The following AXIN1 variants were observed in gnomAD, a reference collection of about 807,000 sequenced individuals.
AXIN1 encodes the protein axin 1, also known as axin-1.
AXIN1 carries 30 observed loss-of-function variants against 76.4 expected under a neutral mutation model. The ratio of observed to expected loss-of-function variants is 0.39; its 90% CI spans 0.29 to 0.53. The LOEUF (loss-of-function observed/expected upper bound fraction) is 0.53, where lower values mean the gene tolerates loss of function less well. Among genes scored for constraint, AXIN1 ranks in the 20% least tolerant of loss-of-function variants. The pLI is 0.66. For missense variants in AXIN1, 1,140 were observed against 1,198.8 expected (o/e 0.95, Z 0.72); for synonymous variants, 545 against 501.4 (o/e 1.09, Z -1.16).
At chr16:326,375 ATAT>A (rs1567292843) in intron 2 of AXIN1, among the ~76,000 whole-genome samples, 1,044 of 65,216 alleles carry the variant, frequency 0.016, 28 homozygotes, top group African/African-American at 0.081. Flanking sequence ...AAAAAAAAAT[ATAT>A]ATATATATAT....
intron 4 of AXIN1, among the ~76,000 whole-genome samples, chr16:307,713 C>A (rs1045123178): frequency 1.3e-5 from 2 of 152,224 alleles, no homozygotes; most frequent in Non-Finnish European, 2.9e-5. Context: ...TCCCCTCCTG[C>A]TGTCCCTGCT....
At position 293,701 on chromosome 16, in the gene AXIN1, T is replaced by A. The variant is rs778657477; in HGVS notation, c.1973A>T (p.Lys658Met). 2 of 1,613,594 alleles carry A rather than the reference T, an allele frequency of 1.2e-6. No individual in the cohort carries two copies. The highest frequency in any genetic ancestry group is 1.7e-6 in the Non-Finnish European group (2 of 1,179,992). ...TCTGGAGTTCTCATGGGGCTGTGGC[T>A]TCCTCGTCCCCGAAGACCTTGGGGA... The part of the protein sequence containing the change: ...RTGHGSSGTR[K>M]PQPHENSRPL... The change falls in exon 8 of 11, where the codon AAG (lysine) becomes ATG (methionine). Residue 658 changes from lysine (K) to methionine (M), a missense_variant. Lys to Met is a moderately conservative substitution (Grantham distance 95). Transcript: ENST00000262320. This position sits in a 1 kb window ranked among gnomAD's most constrained non-coding sequence, Gnocchi z 4.6.
intron 4 of AXIN1, among the ~76,000 whole-genome samples, chr16:305,941 G>A (rs568443317): frequency 6.6e-5 from 10 of 152,154 alleles, no homozygotes; most frequent in South Asian, 6.2e-4. Flanking sequence ...TGGGATTACC[G>A]GTGTGAGCCA....
At chr16:319,431 G>A (rs1312261076) in intron 2 of AXIN1, among the ~76,000 whole-genome samples, 4 of 152,216 alleles carry the variant, frequency 2.6e-5, no homozygotes, top group Non-Finnish European at 4.4e-5. Context: ...AGGAGGCGCT[G>A]ATGGCAGAAT....
intron 6 of AXIN1, 77 bp downstream of exon 6, chr16:297,645 T>G: frequency 6.8e-7 from 1 of 1,466,320 alleles, no homozygotes; most frequent in Non-Finnish European, 9.0e-7. Context: ...TTCCTGAGTT[T>G]TATGAGGAGG....
chr16:326,227 G>A (rs559579913), intron 2 of AXIN1, among the ~76,000 whole-genome samples: 50 of 150,036 alleles, frequency 3.3e-4, no homozygotes, highest in African/African-American at 1.1e-3. Flanking sequence ...GGCGACAGGC[G>A]CCCATAATCC....
chr16:306,550 A>T (rs1227292295), intron 4 of AXIN1, among the ~76,000 whole-genome samples: 1 of 152,174 alleles, frequency 6.6e-6, no homozygotes, highest in Non-Finnish European at 1.5e-5. Context: ...TCTCATCTAC[A>T]CAATGAGAGT....
At chr16:339,510 CAAAA>C (rs35043577) in intron 2 of AXIN1, among the ~76,000 whole-genome samples, 3 of 67,556 alleles carry the variant, frequency 4.4e-5, no homozygotes, top group East Asian at 4.6e-4. Context: ...GACTCCATCT[CAAAA>C]AAAAAAAAAA....
At chr16:335,363 A>G (rs1025695115) in intron 2 of AXIN1, among the ~76,000 whole-genome samples, 12 of 152,164 alleles carry the variant, frequency 7.9e-5, no homozygotes, top group Admixed American at 4.6e-4. Context: ...CACAGCACAC[A>G]GTACCACAGC....
At chr16:288,348 C>G in intron 10 of AXIN1, 100 bp from the exon 11 acceptor site, 3 of 1,570,076 alleles carry the variant, frequency 1.9e-6, no homozygotes, top group Non-Finnish European at 2.6e-6. Flanking sequence ...TCCCGAGGAG[C>G]CTCCTGTCCA....
At chr16:329,780 T>C (rs1168058229) in intron 2 of AXIN1, among the ~76,000 whole-genome samples, 4 of 150,352 alleles carry the variant, frequency 2.7e-5, no homozygotes, top group Admixed American at 6.6e-5. Context: ...CCAGCCACCT[T>C]GCCCGGCTAT....
intron 9 of AXIN1, chr16:290,507 C>T (rs2052526046): frequency 6.2e-6 from 1 of 160,094 alleles, no homozygotes; most frequent in South Asian, 1.8e-4. Context: ...TGCCCCAAGA[C>T]CGCCTACACG....
chr16:335,879 A>G (rs943143603), intron 2 of AXIN1, among the ~76,000 whole-genome samples: 1 of 152,214 alleles, frequency 6.6e-6, no homozygotes, highest in African/African-American at 2.4e-5. Flanking sequence ...GGAAAGTAAA[A>G]TATTTAATCA....
intron 2 of AXIN1, among the ~76,000 whole-genome samples, chr16:345,531 A>G (rs954322621): frequency 1.3e-5 from 2 of 152,200 alleles, no homozygotes; most frequent in Admixed American, 6.5e-5. Context: ...CCTGGCCAAC[A>G]TGGAGAAACC....
intron 2 of AXIN1, among the ~76,000 whole-genome samples, chr16:344,181 C>A (rs886601960): frequency 6.6e-6 from 1 of 151,890 alleles, no homozygotes; most frequent in African/African-American, 2.4e-5. Flanking sequence ...GTCTGTAATC[C>A]CCGCACTTTG....
chr16:309,135 C>G (rs192872112), intron 4 of AXIN1, among the ~76,000 whole-genome samples: 371 of 152,146 alleles, frequency 2.4e-3, no homozygotes, highest in Middle Eastern at 3.4e-3. Flanking sequence ...TCGAGACCAT[C>G]CTGGCTAATA....
At position 287,464 on chromosome 16, in the gene AXIN1, C is replaced by T; in HGVS notation, c.*658G>A. ...GGCAGGTTCAAAAACAGTTTTATTT[C>T]ATTATTATCCAAGTACCTTTGAAAA... On this transcript the variant is annotated 3_prime_UTR_variant, in exon 11 of 11. Transcript: ENST00000262320. 1 of 415,894 alleles carries T rather than the reference C, an allele frequency of 2.4e-6. No individual in the cohort carries two copies. Among genetic ancestry groups the T allele is most frequent in the East Asian group, 3.9e-5 (1 of 25,728 alleles). The allele number at this position is 415,894 out of a possible 1,614,324, so 25.8% of individuals were successfully genotyped here.
intron 2 of AXIN1, among the ~76,000 whole-genome samples, chr16:341,419 G>C (rs1280240665): frequency 6.6e-6 from 1 of 152,268 alleles, no homozygotes; most frequent in Non-Finnish European, 1.5e-5. Context: ...CAGCGGCTGC[G>C]GAGGGTGTGC....
intron 1 of AXIN1, among the ~76,000 whole-genome samples, chr16:348,108 G>A (rs1291319201): frequency 2.0e-5 from 3 of 152,198 alleles, no homozygotes; most frequent in Non-Finnish European, 4.4e-5. Flanking sequence ...TGCAAGGGGT[G>A]TGCAAAAGAG....
Sources: allele counts gnomAD v4.1 joint callset (sites outside exome capture counted in the v4.1 genomes callset), GRCh38; gene constraint gnomAD v4.1.1; non-coding constraint Gnocchi (gnomAD v3.1); transcripts MANE v1.5; gene names NCBI Gene and HGNC (gene_info 2026-07-23, HGNC 2026-07-21).